Variants in PSMD1 observed in about 807,000 individuals in gnomAD.
The protein encoded by PSMD1 is proteasome 26S subunit, non-ATPase 1, also known as 26S proteasome non-ATPase regulatory subunit 1.
PSMD1 carries 18 observed loss-of-function variants against 119.0 expected under a neutral mutation model. The observed-to-expected ratio is 0.15, with a 90% CI of 0.10 to 0.22. The LOEUF is 0.22. PSMD1 is among the 10% of genes least tolerant of loss of function. The pLI is 1.00. For synonymous variants in PSMD1, 374 were observed against 396.6 expected (o/e 0.94, Z 0.68); for missense variants, 702 against 1,158.5 (o/e 0.61, Z 5.72).
intron 7 of PSMD1, 114 bp from the exon 8 acceptor site, chr2:231,075,397 A>C (rs750544548): frequency 6.4e-5 from 55 of 865,476 alleles, no homozygotes; most frequent in Non-Finnish European, 8.2e-5. Context: ...TAATGGTAAT[A>C]CTTTAGTAAA....
At chr2:231,070,826 A>G (rs935984883) in intron 6 of PSMD1, among the ~76,000 whole-genome samples, 2 of 151,984 alleles carry the variant, frequency 1.3e-5, no homozygotes, top group African/African-American at 2.4e-5. Context: ...AACAATTGCT[A>G]TGTTGTATAC....
rs148165292 is a variant in PSMD1, at chr2:231,124,343, T to C, written c.1884-14393T>C. Among the ~76,000 whole-genome samples the C allele has an allele frequency of 1.2e-4, 18 of 152,302 alleles. No homozygotes were observed. In the East Asian group the frequency reaches 3.5e-3, roughly 29 times the overall value. On this transcript the variant is annotated intron_variant, in intron 16 of 24. Coordinates refer to ENST00000308696, the MANE Select transcript of PSMD1 (RefSeq NM_002807.4). ...AATGGTTATAATAAAAAGTTAGGTG[T>C]TTCCTGACCCTTGAATGTCTTTTTA...
At chr2:231,108,822 T>A (rs1695052683) in intron 16 of PSMD1, 3 of 1,614,106 alleles carry the variant, frequency 1.9e-6, no homozygotes, top group Non-Finnish European at 2.5e-6. Flanking sequence ...TTGAAGAGGG[T>A]GTAGACCAAA....
chr2:231,163,784 A>G, intron 21 of PSMD1, 57 bp downstream of exon 21: 1 of 1,284,598 alleles, frequency 7.8e-7, no homozygotes, highest in Non-Finnish European at 1.1e-6. Context: ...GCCACTGAGT[A>G]TTTTACTTTT....
At chr2:231,123,811 T>TAA (rs1487482852) in intron 16 of PSMD1, 1 of 1,390,402 alleles carries the variant, frequency 7.2e-7, no homozygotes, top group Admixed American at 1.7e-5. Context: ...GTGGTCAGCA[T>TAA]GGTTAGTAGC....
intron 5 of PSMD1, among the ~76,000 whole-genome samples, chr2:231,068,022 T>C (rs985806500): frequency 2.0e-5 from 3 of 152,186 alleles, no homozygotes; most frequent in African/African-American, 7.2e-5. Context: ...CTATCCCTTG[T>C]TTGCAGAACT....
chr2:231,148,450 A>T (rs1212162752), intron 18 of PSMD1, among the ~76,000 whole-genome samples: 1 of 152,212 alleles, frequency 6.6e-6, no homozygotes, highest in South Asian at 2.1e-4. Flanking sequence ...TAGGAGCTGG[A>T]TAATCATTCC....
chr2:231,155,851 A>T (rs1450731644), intron 19 of PSMD1, among the ~76,000 whole-genome samples: 6 of 152,020 alleles, frequency 3.9e-5, no homozygotes, highest in African/African-American at 1.4e-4. Context: ...GTTTATAGAT[A>T]AAAAAATTCT....
At chr2:231,138,271 CTTT>C (rs1199467877) in intron 16 of PSMD1, among the ~76,000 whole-genome samples, 1 of 152,210 alleles carries the variant, frequency 6.6e-6, no homozygotes, top group Non-Finnish European at 1.5e-5. Context: ...ATCAAGGCTT[CTTT>C]ATCAGTTTAT....
In PSMD1 at chr2:231,109,100, C is replaced by T. The variant is rs770644825; in HGVS notation, c.1883+21919C>T. 12 of 1,614,040 alleles carry T rather than the reference C, an allele frequency of 7.4e-6. No individual in the cohort carries two copies. The highest frequency in any genetic ancestry group is 3.3e-5 in the Admixed American group (2 of 60,004). On this transcript the variant is annotated intron_variant, in intron 16 of 24. Transcript: ENST00000308696. Reference sequence around the variant, plus strand: ...TGAGTTGGGCAGAGCCTTGTCCTTTCGAGAACCATCCAGCATTGCCACCTT... The same window carrying T: ...TGAGTTGGGCAGAGCCTTGTCCTTTTGAGAACCATCCAGCATTGCCACCTT...
intron 5 of PSMD1, among the ~76,000 whole-genome samples, chr2:231,069,391 C>T (rs1693987278): frequency 6.6e-6 from 1 of 152,094 alleles, no homozygotes; most frequent in Admixed American, 6.6e-5. Context: ...AGTGGAAAGT[C>T]ACAACTCACT....
chr2:231,171,697 C>T (rs1470201851), intron 24 of PSMD1, among the ~76,000 whole-genome samples: 1 of 151,966 alleles, frequency 6.6e-6, no homozygotes, highest in Non-Finnish European at 1.5e-5. Context: ...GCTGGGATTA[C>T]AGGCATGCGC....
chr2:231,062,809 A>G, intron 4 of PSMD1, 134 bp downstream of exon 4: 1 of 751,538 alleles, frequency 1.3e-6, no homozygotes, highest in East Asian at 3.1e-5. Flanking sequence ...TTCTATAATA[A>G]TTTTATGCAG....
intron 19 of PSMD1, among the ~76,000 whole-genome samples, chr2:231,157,636 G>A (rs533346668): frequency 1.1e-3 from 160 of 151,594 alleles, no homozygotes; most frequent in Non-Finnish European, 1.5e-3. Context: ...GCATGATCTC[G>A]GCTCACTGCA....
intron 12 of PSMD1, among the ~76,000 whole-genome samples, chr2:231,081,244 A>T (rs1694303092): frequency 6.6e-6 from 1 of 151,936 alleles, no homozygotes; most frequent in Admixed American, 6.6e-5. Context: ...ACACATTTTT[A>T]CCTTATTTCC....
At chr2:231,090,803 A>G (rs756031573) in intron 16 of PSMD1, among the ~76,000 whole-genome samples, 11 of 152,186 alleles carry the variant, frequency 7.2e-5, no homozygotes, top group Non-Finnish European at 1.2e-4. Context: ...GAATTGCAGA[A>G]TTGGTGAAAA....
intron 16 of PSMD1, among the ~76,000 whole-genome samples, chr2:231,090,824 A>C (rs1009413095): frequency 6.6e-6 from 1 of 152,196 alleles, no homozygotes; most frequent in African/African-American, 2.4e-5. Context: ...TAACAAGAGA[A>C]CTAGAACTAG....
intron 16 of PSMD1, among the ~76,000 whole-genome samples, chr2:231,130,393 C>T (rs1695825614): frequency 6.6e-6 from 1 of 152,152 alleles, no homozygotes. Context: ...TCTCCACTGC[C>T]CTTCCCTAAA....
rs146322368 is a variant in PSMD1, at chr2:231,112,204, A to T, written c.1883+25023A>T. Among the ~76,000 whole-genome samples the T allele has an allele frequency of 1.2e-3, 187 of 152,186 alleles. 1 individual carries two copies. Among genetic ancestry groups the T allele is most frequent in the African/African-American group, 3.9e-3 (161 of 41,506 alleles). Reference sequence around the variant, plus strand: ...CCCTCTCCCTCATTGCAGTGAGCTTACCAAATGTGAGTCATCTGGCATAAA... The same window carrying T: ...CCCTCTCCCTCATTGCAGTGAGCTTTCCAAATGTGAGTCATCTGGCATAAA... On this transcript the variant is annotated intron_variant, in intron 16 of 24. Transcript: ENST00000308696.
Sources: gnomAD v4.1 joint callset for allele counts (sites outside exome capture counted in the v4.1 genomes callset) on GRCh38, gnomAD v4.1.1 for gene constraint, MANE v1.5 for transcripts, NCBI Gene and HGNC (gene_info 2026-07-23, HGNC 2026-07-21) for gene names.